The following FRMD4A variants were observed in gnomAD, a reference collection of about 807,000 sequenced individuals.
The protein encoded by FRMD4A is FERM domain-containing protein 4A.
FRMD4A carries 29 observed loss-of-function variants against 129.1 expected under a neutral mutation model. That is an observed-to-expected ratio of 0.22 (90% CI 0.17 to 0.31). The LOEUF is 0.31. Ranked by LOEUF, FRMD4A falls within the 10% of genes least tolerant of loss-of-function variation. The pLI is 1.00. For missense variants in FRMD4A, 1,272 were observed against 1,375.8 expected (o/e 0.92, Z 1.19); for synonymous variants, 634 against 571.6 (o/e 1.11, Z -1.56).
rs982635829 is a variant in FRMD4A, at chr10:13,956,213, C to T, written c.46-97301G>A. Among the ~76,000 whole-genome samples the T allele has an allele frequency of 1.9e-4, 29 of 152,184 alleles. No individual in the cohort carries two copies. In the Middle Eastern group the frequency reaches 0.01, roughly 54 times the overall value. ...TGTCACCCAGGCTGGAGTGCAGTGG[C>T]ACACTCTTGGCTCACTGCAAACTCT... On this transcript the variant is annotated intron_variant, in intron 2 of 24. Transcript: ENST00000357447.
At chr10:13,937,691 TG>T (rs1413035106) in intron 2 of FRMD4A, among the ~76,000 whole-genome samples, 10 of 151,938 alleles carry the variant, frequency 6.6e-5, no homozygotes, top group African/African-American at 9.7e-5. Context: ...AAAACTGAAA[TG>T]AAAAAAAGGG....
chr10:14,029,382 T>C (rs1159815734), intron 2 of FRMD4A, among the ~76,000 whole-genome samples: 3 of 152,100 alleles, frequency 2.0e-5, no homozygotes, highest in Non-Finnish European at 2.9e-5. Flanking sequence ...TCTGCAGCCC[T>C]GAAAATGAAT....
chr10:14,071,082 C>A (rs970200703), intron 2 of FRMD4A, among the ~76,000 whole-genome samples: 3 of 152,212 alleles, frequency 2.0e-5, no homozygotes, highest in African/African-American at 7.2e-5. Context: ...AGGGAAAGAA[C>A]CCGGATCCCT....
chr10:13,996,144 C>A (rs982726833), intron 2 of FRMD4A, among the ~76,000 whole-genome samples: 6 of 152,204 alleles, frequency 3.9e-5, no homozygotes, highest in Non-Finnish European at 8.8e-5. Flanking sequence ...CTTTTGAGGG[C>A]CTCTTTTATA....
rs555305190 is a variant in FRMD4A at position 13,646,752 on chromosome 10, G to T, written c.*286C>A. 1 of 152,756 alleles carries T rather than the reference G, an allele frequency of 6.5e-6. No homozygotes were observed. Among genetic ancestry groups the T allele is most frequent in the Non-Finnish European group, 1.5e-5 (1 of 68,166 alleles). 9.5% of individuals were successfully genotyped at this position (152,756 alleles called of 1,614,324 possible). A position where few individuals can be genotyped will look rare whatever the true frequency, so the allele number is the denominator to read the frequency against. ...GCGCCAGGGGACACACAGTGGGACC[G>T]GAACCTTCCAGAATGTCTCCTCAGT... On this transcript the variant is annotated 3_prime_UTR_variant, in exon 25 of 25. Transcript: ENST00000357447.
chr10:14,185,463 C>G (rs183554456), intron 2 of FRMD4A, among the ~76,000 whole-genome samples: 2 of 152,262 alleles, frequency 1.3e-5, no homozygotes, highest in South Asian at 2.1e-4. Context: ...GAAATTAGTA[C>G]AAAAAACATT....
intron 8 of FRMD4A, 91 bp downstream of exon 8, chr10:13,761,556 C>A: frequency 1.2e-6 from 1 of 821,942 alleles, no homozygotes; most frequent in Non-Finnish European, 2.0e-6. Flanking sequence ...AATAAATTGT[C>A]CACCTAAAAA....
chr10:13,928,326 AT>A (rs71505011), intron 2 of FRMD4A, among the ~76,000 whole-genome samples: 34,706 of 148,482 alleles, frequency 0.23, 4,356 homozygotes, highest in Middle Eastern at 0.29. Flanking sequence ...CTTTAGCTGG[AT>A]TTTTTTTTTT....
At chr10:13,740,722 T>C (rs2135052566) in intron 9 of FRMD4A, 145 bp from the exon 10 acceptor site, 1 of 576,982 alleles carries the variant, frequency 1.7e-6, no homozygotes, top group Non-Finnish European at 3.0e-6. Flanking sequence ...CCTGGAGTGG[T>C]ATTTCCAAAC....
At chr10:13,794,054 G>A (rs1212566912) in intron 5 of FRMD4A, among the ~76,000 whole-genome samples, 1 of 152,148 alleles carries the variant, frequency 6.6e-6, no homozygotes, top group Non-Finnish European at 1.5e-5. Context: ...ACTGACTGGT[G>A]AGGGCCTGAG....
At chr10:14,183,664 A>T (rs1369419947) in intron 2 of FRMD4A, among the ~76,000 whole-genome samples, 1 of 152,186 alleles carries the variant, frequency 6.6e-6, no homozygotes, top group Non-Finnish European at 1.5e-5. Context: ...TTTACTCCCA[A>T]ACCTGGAAAT....
chr10:14,328,774 G>A (rs1005957936), intron 2 of FRMD4A, among the ~76,000 whole-genome samples: 1 of 152,030 alleles, frequency 6.6e-6, no homozygotes, highest in East Asian at 1.9e-4. Flanking sequence ...AATACTCAGT[G>A]ATGGAATGAA....
chr10:13,720,809 C>T (rs1588419457), intron 12 of FRMD4A, among the ~76,000 whole-genome samples: 1 of 152,012 alleles, frequency 6.6e-6, no homozygotes, highest in Non-Finnish European at 1.5e-5. Context: ...AAGTCAGGGG[C>T]GTCATTTGTG....
chr10:13,947,547 G>A (rs755393066), intron 2 of FRMD4A, among the ~76,000 whole-genome samples: 53 of 151,402 alleles, frequency 3.5e-4, no homozygotes, highest in Non-Finnish European at 6.6e-4. Context: ...TGTCAAAACT[G>A]GATTTAGTTA....
chr10:13,886,127 T>G (rs2094617174), intron 2 of FRMD4A, among the ~76,000 whole-genome samples: 1 of 152,144 alleles, frequency 6.6e-6, no homozygotes, highest in Admixed American at 6.6e-5. Flanking sequence ...AGCGTAATGG[T>G]ACATTTTCTG....
intron 2 of FRMD4A, among the ~76,000 whole-genome samples, chr10:13,929,762 T>G (rs1565058957): frequency 6.6e-6 from 1 of 152,170 alleles, no homozygotes; most frequent in African/African-American, 2.4e-5. Context: ...GCTGTAGTGG[T>G]AGAGATGGGA....
intron 8 of FRMD4A, among the ~76,000 whole-genome samples, chr10:13,754,289 CA>C (rs35858288): frequency 2.0e-4 from 30 of 149,816 alleles, no homozygotes; most frequent in African/African-American, 6.6e-4. Context: ...TATCATCCTG[CA>C]AAAAAAAAAC....
chr10:13,829,258 C>T (rs993026744), intron 3 of FRMD4A, among the ~76,000 whole-genome samples: 4 of 152,190 alleles, frequency 2.6e-5, no homozygotes, highest in African/African-American at 4.8e-5. Flanking sequence ...GGCATGGTGG[C>T]TCACACCTCT....
intron 2 of FRMD4A, among the ~76,000 whole-genome samples, chr10:14,010,716 C>G (rs1002221777): frequency 8.5e-6 from 1 of 117,378 alleles, no homozygotes; most frequent in African/African-American, 3.1e-5. Context: ...CACTATATTG[C>G]TCAGGGTGGT....
Sources: allele counts gnomAD v4.1 joint callset (sites outside exome capture counted in the v4.1 genomes callset), GRCh38; gene constraint gnomAD v4.1.1; transcripts MANE v1.5; gene names NCBI Gene and HGNC (gene_info 2026-07-23, HGNC 2026-07-21).